Variants in PCDHA5 observed in about 807,000 individuals in gnomAD.
The protein encoded by PCDHA5 is protocadherin alpha-5.
Under a neutral mutation model 61.6 loss-of-function variants are expected in PCDHA5, and 43 were observed. That is an observed-to-expected ratio of 0.70 (90% CI 0.55 to 0.90). PCDHA5 has a LOEUF of 0.90. Among genes scored for constraint, PCDHA5 ranks in the 40% least tolerant of loss-of-function variants. The pLI, the probability that PCDHA5 is intolerant of heterozygous loss-of-function variation, is 0.00. For synonymous variants in PCDHA5, 627 were observed against 543.9 expected, an observed-to-expected ratio of 1.15 and a Z score of -2.13; for missense variants, 1,298 against 1,222.7, an observed-to-expected ratio of 1.06 and a Z score of -0.92.
At chr5:140,897,872 A>G (rs1327007992) in intron 1 of PCDHA5, among the ~76,000 whole-genome samples, 1 of 152,068 alleles carries the variant, frequency 6.6e-6, no homozygotes, top group Non-Finnish European at 1.5e-5. Context: ...CTTTTTAATG[A>G]TTGCCATTCT....
intron 1 of PCDHA5, chr5:140,835,697 T>G (rs2150242231): frequency 1.6e-5 from 26 of 1,613,776 alleles, no homozygotes; most frequent in African/African-American, 6.7e-5. Flanking sequence ...TGTGGGCCAC[T>G]GCTAGCGTGT....
intron 1 of PCDHA5, chr5:140,864,391 A>G (rs1554158881): frequency 6.6e-6 from 1 of 152,234 alleles, no homozygotes; most frequent in African/African-American, 2.4e-5. Context: ...TCTCTCACAA[A>G]TGGTGATGAG....
At chr5:140,978,861 T>C (rs540878929) in intron 1 of PCDHA5, 88 bp from the exon 2 acceptor site, 1 of 1,599,110 alleles carries the variant, frequency 6.3e-7, no homozygotes, top group African/African-American at 1.3e-5. Flanking sequence ...CCTGGAAATA[T>C]TTAAGGGAGT....
chr5:140,974,578 C>A (rs1554236214), intron 1 of PCDHA5, among the ~76,000 whole-genome samples: 1 of 152,170 alleles, frequency 6.6e-6, no homozygotes, highest in Non-Finnish European at 1.5e-5. Flanking sequence ...ATGGCATGAT[C>A]TTGGCTCACT....
intron 1 of PCDHA5, among the ~76,000 whole-genome samples, chr5:140,872,927 T>A (rs1020178513): frequency 3.9e-5 from 6 of 152,216 alleles, no homozygotes; most frequent in African/African-American, 1.4e-4. Flanking sequence ...TTATCTCTAA[T>A]GTTTTTGAAA....
chr5:140,978,150 C>T (rs1009630892), intron 1 of PCDHA5, among the ~76,000 whole-genome samples: 2 of 152,286 alleles, frequency 1.3e-5, no homozygotes, highest in South Asian at 4.2e-4. Context: ...TTGTTCTCCC[C>T]CTTCAGACTG....
In PCDHA5 at chr5:140,843,394, G is replaced by T. The variant is rs2150359132; in HGVS notation, c.2352+19267G>T. ...CGGCTGGCGTTTTGGGTCCGGAAGC[G>T]GCGCTGGTGGATGTCAACGTGTACC... is the stretch of plus-strand genomic sequence containing the variant. On this transcript the variant is annotated intron_variant, in intron 1 of 3. Transcript: ENST00000529859. 3 of 1,596,026 alleles carry T rather than the reference G, an allele frequency of 1.9e-6. No individual in the cohort carries two copies. The East Asian group carries it at 6.7e-5, about 36-fold the overall frequency.
At chr5:140,883,959 C>T (rs782366148) in intron 1 of PCDHA5, 4 of 1,613,092 alleles carry the variant, frequency 2.5e-6, no homozygotes, top group Admixed American at 3.3e-5. Context: ...AACGCTCCGG[C>T]GCTGCTGACG....
intron 1 of PCDHA5, among the ~76,000 whole-genome samples, chr5:140,953,733 TG>T (rs1449457533): frequency 2.6e-5 from 4 of 152,200 alleles, no homozygotes; most frequent in Admixed American, 6.5e-5. Context: ...TTGAAATTTT[TG>T]CTTAACATTA....
At chr5:140,999,419 G>A (rs2097856786) in intron 3 of PCDHA5, among the ~76,000 whole-genome samples, 1 of 152,182 alleles carries the variant, frequency 6.6e-6, no homozygotes, top group Non-Finnish European at 1.5e-5. Flanking sequence ...TGGGAGCTAA[G>A]AGGCCAAGTA....
At chr5:140,903,770 C>T (rs1583503336) in intron 1 of PCDHA5, among the ~76,000 whole-genome samples, 1 of 152,136 alleles carries the variant, frequency 6.6e-6, no homozygotes, top group Non-Finnish European at 1.5e-5. Flanking sequence ...CTGAACTTTT[C>T]TATCCATAAA....
At chr5:140,887,461 T>C (rs2061460929) in intron 1 of PCDHA5, among the ~76,000 whole-genome samples, 1 of 152,226 alleles carries the variant, frequency 6.6e-6, no homozygotes, top group African/African-American at 2.4e-5. Flanking sequence ...TTTTAAAAGA[T>C]ATAATTCAGT....
chr5:140,930,892 TTTAAC>T, intron 1 of PCDHA5, among the ~76,000 whole-genome samples: 1 of 152,332 alleles, frequency 6.6e-6, no homozygotes, highest in African/African-American at 2.4e-5. Context: ...AGGGAAAAAC[TTTAAC>T]TTACTTTTCT....
chr5:140,981,138 G>A (rs1554242668), intron 2 of PCDHA5, among the ~76,000 whole-genome samples: 11 of 152,206 alleles, frequency 7.2e-5, no homozygotes. Flanking sequence ...GTCAAAGAGT[G>A]AGAAAACATT....
At position 140,848,698 on chromosome 5, in the gene PCDHA5, C is replaced by T. The variant is rs17844321; in HGVS notation, c.2352+24571C>T. On this transcript the variant is annotated intron_variant, in intron 1 of 3. Coordinates refer to ENST00000529859, the MANE Select transcript of PCDHA5 (RefSeq NM_018908.3). The stretch of plus-strand genomic sequence containing the variant: ...GTGCCGCGCCTGTTCCAGTTGGATT[C>T]CAAAGGCCGCGGGGACCTTCTGGAG... 1,049 of 1,592,348 alleles carry T rather than the reference C, an allele frequency of 6.6e-4. 38 individuals are homozygous for T. The East Asian group carries it at 0.022, about 33-fold the overall frequency.
chr5:140,835,540 C>T (rs2150237787), intron 1 of PCDHA5: 1 of 1,613,980 alleles, frequency 6.2e-7, no homozygotes. Context: ...GGACAGGTTA[C>T]CTGCTCCCTG....
intron 1 of PCDHA5, chr5:140,876,771 T>C: frequency 6.2e-7 from 1 of 1,614,228 alleles, no homozygotes; most frequent in African/African-American, 1.3e-5. Flanking sequence ...GGGGCTCGCC[T>C]TCGCTGTGGG....
chr5:140,996,341 C>T (rs1554255109), intron 3 of PCDHA5, among the ~76,000 whole-genome samples: 2 of 152,160 alleles, frequency 1.3e-5, no homozygotes, highest in African/African-American at 4.8e-5. Context: ...AGTTTGAAAA[C>T]CCAACCAAAG....
At chr5:140,979,062 G>A in intron 2 of PCDHA5, 55 bp downstream of exon 2, 1 of 1,604,568 alleles carries the variant, frequency 6.2e-7, no homozygotes, top group Non-Finnish European at 8.5e-7. Flanking sequence ...GTATGGCTCA[G>A]ATAAACTGCA....
Sources: allele counts gnomAD v4.1 joint callset (sites outside exome capture counted in the v4.1 genomes callset), GRCh38; gene constraint gnomAD v4.1.1; transcripts MANE v1.5; gene names NCBI Gene and HGNC (gene_info 2026-07-23, HGNC 2026-07-21).